Variants in MARK3 observed in about 807,000 individuals in gnomAD.
MARK3 encodes the protein MAP/microtubule affinity-regulating kinase 3.
MARK3 carries 46 observed loss-of-function variants against 90.1 expected under a neutral mutation model. That is an observed-to-expected ratio of 0.51 (90% confidence interval 0.40 to 0.65). MARK3 has a LOEUF of 0.65. MARK3 is among the 30% of genes least tolerant of loss of function. The pLI, the probability that MARK3 is intolerant of heterozygous loss-of-function variation, is 0.00. For synonymous variants in MARK3, 321 were observed against 332.6 expected, an observed-to-expected ratio of 0.97 and a Z score of 0.38; for missense variants, 818 against 947.2, an observed-to-expected ratio of 0.86 and a Z score of 1.79.
In MARK3 at chr14:103,412,632, G is replaced by A. The variant is rs545918592; in HGVS notation, c.243+7365G>A. 7.2e-5 allele frequency: 72 copies of A among 996,330 alleles called. 2 individuals carry two copies. Among genetic ancestry groups the A allele is most frequent in the Middle Eastern group, 6.4e-4 (2 of 3,106 alleles). The allele number at this position is 996,330 out of a possible 1,614,324, so 61.7% of individuals were successfully genotyped here. On this transcript the variant is annotated intron_variant, in intron 2 of 17. Coordinates refer to ENST00000429436, the MANE Select transcript of MARK3 (RefSeq NM_001128918.3). ...GTGCCCGAGAAGCGCTTGTCCTTCTGGGGGTCATAGTTCTTCAAGCTGATC... is the reference window on the plus strand; with the variant it reads ...GTGCCCGAGAAGCGCTTGTCCTTCTAGGGGTCATAGTTCTTCAAGCTGATC...
At chr14:103,480,119 C>CAA (rs1194833930) in intron 13 of MARK3, among the ~76,000 whole-genome samples, 1 of 151,176 alleles carries the variant, frequency 6.6e-6, no homozygotes, top group African/African-American at 2.4e-5. Flanking sequence ...CACTGCATCT[C>CAA]AAAAAAGAAA....
chr14:103,411,715 CG>C (rs1566792444), intron 2 of MARK3, among the ~76,000 whole-genome samples: 1 of 151,940 alleles, frequency 6.6e-6, no homozygotes, highest in African/African-American at 2.4e-5. Context: ...CTCCACCTCC[CG>C]GGTTTAAGCA....
At chr14:103,427,963 C>G (rs1447242240) in intron 2 of MARK3, among the ~76,000 whole-genome samples, 1 of 152,060 alleles carries the variant, frequency 6.6e-6, no homozygotes, top group African/African-American at 2.4e-5. Context: ...GGAATGCAGC[C>G]CAGTAGGTCT....
intron 4 of MARK3, among the ~76,000 whole-genome samples, chr14:103,450,019 A>C (rs1346401019): frequency 6.6e-6 from 1 of 152,230 alleles, no homozygotes; most frequent in Non-Finnish European, 1.5e-5. Flanking sequence ...TTTTTTAACA[A>C]AAGGCGTATG....
intron 16 of MARK3, chr14:103,499,845 C>T: frequency 3.2e-6 from 1 of 317,024 alleles, no homozygotes; most frequent in Non-Finnish European, 5.9e-6. Context: ...GCAGGAGTGC[C>T]CGCTGTGCGT....
intron 3 of MARK3, among the ~76,000 whole-genome samples, chr14:103,437,476 C>CT (rs977215598): frequency 1.5e-4 from 23 of 152,282 alleles, no homozygotes; most frequent in African/African-American, 5.5e-4. Context: ...TGAGGTCTCA[C>CT]TATCTTGCCC....
intron 5 of MARK3, among the ~76,000 whole-genome samples, chr14:103,453,676 A>C (rs1036127203): frequency 6.6e-6 from 1 of 152,226 alleles, no homozygotes; most frequent in African/African-American, 2.4e-5. Flanking sequence ...TTTCAGGACC[A>C]AAAAGCTTTA....
At chr14:103,393,920 G>T (rs995900466) in intron 1 of MARK3, among the ~76,000 whole-genome samples, 23 of 152,234 alleles carry the variant, frequency 1.5e-4, no homozygotes, top group African/African-American at 5.5e-4. Context: ...TTTTAGTAGG[G>T]ATGGGGTTTC....
intron 4 of MARK3, 40 bp downstream of exon 4, chr14:103,449,007 G>C: frequency 6.6e-7 from 1 of 1,524,756 alleles, no homozygotes; most frequent in Non-Finnish European, 8.9e-7. Context: ...GTCTAAATAC[G>C]TACTTGAAAT....
chr14:103,429,482 A>G (rs1229773869), intron 3 of MARK3: 3 of 152,214 alleles, frequency 2.0e-5, no homozygotes, highest in African/African-American at 4.8e-5. Flanking sequence ...TTTCTAATGT[A>G]TTCCTCATGG....
intron 15 of MARK3, among the ~76,000 whole-genome samples, chr14:103,494,072 A>G (rs1478946602): frequency 4.0e-5 from 6 of 150,750 alleles, no homozygotes; most frequent in Non-Finnish European, 7.4e-5. Context: ...CATCTCTACT[A>G]AAAATACAAA....
intron 13 of MARK3, among the ~76,000 whole-genome samples, chr14:103,480,052 G>A (rs1420414977): frequency 6.6e-6 from 1 of 152,012 alleles, no homozygotes; most frequent in African/African-American, 2.4e-5. Flanking sequence ...ACCCAGGAGG[G>A]GGAGGTTGCA....
At chr14:103,413,224 C>G (rs2091762077) in intron 2 of MARK3, among the ~76,000 whole-genome samples, 1 of 152,088 alleles carries the variant, frequency 6.6e-6, no homozygotes, top group African/African-American at 2.4e-5. Context: ...AATTTGTTTT[C>G]AGGTTTTGTA....
chr14:103,475,339 TCTTAA>T (rs1423924243), intron 13 of MARK3, 129 bp downstream of exon 13: 17 of 683,990 alleles, frequency 2.5e-5, no homozygotes, highest in Non-Finnish European at 4.3e-5. Flanking sequence ...CCATGCCCAA[TCTTAA>T]CTTACAGAAA....
chr14:103,432,587 ACTCCTGTAATCC>A lies in MARK3; in HGVS notation c.297+4149_297+4160del, dbSNP rs2092613520. Among the ~76,000 whole-genome samples, 7 of 152,070 alleles carry A rather than the reference ACTCCTGTAATCC, an allele frequency of 4.6e-5. 1 individual carries two copies. The South Asian group carries it at 1.5e-3, about 32-fold the overall frequency. On this transcript the variant is annotated intron_variant, in intron 3 of 17. Coordinates refer to ENST00000429436, the MANE Select transcript of MARK3 (RefSeq NM_001128918.3). ...TGAGGCAGGCCCGGCACAGTGGCTC[ACTCCTGTAATCC>A]CAGCACTTGGGGAGCCTGAGGCGAG...
chr14:103,503,390 C>A lies in MARK3; in HGVS notation c.*163C>A. 1 of 661,056 alleles carries A rather than the reference C, an allele frequency of 1.5e-6. No homozygotes were observed. Among genetic ancestry groups the A allele is most frequent in the Non-Finnish European group, 2.5e-6 (1 of 394,856 alleles). The allele number at this position is 661,056 out of a possible 1,614,324, so 40.9% of individuals were successfully genotyped here. On this transcript the variant is annotated 3_prime_UTR_variant, in exon 18 of 18. Coordinates refer to ENST00000429436, the MANE Select transcript of MARK3 (RefSeq NM_001128918.3). ...CTGGGAGCGAAAGCTGGCCTTTTTTCTACGAATGCACTACATTAAAGATGT... is the reference window on the plus strand; with the variant it reads ...CTGGGAGCGAAAGCTGGCCTTTTTTATACGAATGCACTACATTAAAGATGT...
intron 12 of MARK3, among the ~76,000 whole-genome samples, chr14:103,474,160 G>A (rs2093677290): frequency 6.6e-6 from 1 of 152,104 alleles, no homozygotes; most frequent in Admixed American, 6.6e-5. Context: ...AGCCGCGATT[G>A]CGCCACTGCA....
At chr14:103,482,391 C>T (rs1021748353) in intron 14 of MARK3, among the ~76,000 whole-genome samples, 1 of 151,910 alleles carries the variant, frequency 6.6e-6, no homozygotes, top group African/African-American at 2.4e-5. Context: ...TGTGGTGGCA[C>T]GCGCCTGTAG....
chr14:103,430,257 G>A (rs915351558), intron 3 of MARK3, among the ~76,000 whole-genome samples: 3 of 152,062 alleles, frequency 2.0e-5, no homozygotes, highest in Non-Finnish European at 2.9e-5. Context: ...TCAGTTTATA[G>A]GCCATTGTTT....
Sources: allele counts gnomAD v4.1 joint callset (sites outside exome capture counted in the v4.1 genomes callset), GRCh38; gene constraint gnomAD v4.1.1; transcripts MANE v1.5; gene names NCBI Gene and HGNC (gene_info 2026-07-23, HGNC 2026-07-21).